Variants in CCDC141 observed in about 807,000 individuals in gnomAD.
CCDC141 encodes coiled-coil domain containing 141, also known as coiled-coil domain-containing protein 141.
In CCDC141, 168 loss-of-function variants were observed where a neutral mutation model predicts 181.0. The ratio of observed to expected loss-of-function variants is 0.93; its 90% CI spans 0.82 to 1.05. CCDC141 has a LOEUF of 1.05. Among genes scored for constraint, CCDC141 ranks in the 50% least tolerant of loss-of-function variants. The probability of loss-of-function intolerance (pLI) is 0.00; values close to 1 mark genes in which losing one functional copy is unlikely to be tolerated. For missense variants in CCDC141, 1,902 were observed against 1,788.5 expected (o/e 1.06, Z -1.14); for synonymous variants, 666 against 642.3 (o/e 1.04, Z -0.56).
intron 2 of CCDC141, among the ~76,000 whole-genome samples, chr2:178,999,308 C>T (rs1481093035): frequency 6.6e-6 from 1 of 152,112 alleles, no homozygotes; most frequent in Non-Finnish European, 1.5e-5. Flanking sequence ...TAATCAGTCA[C>T]CAAGGCCCAC....
chr2:178,986,021 G>A (rs1691714788), intron 2 of CCDC141, among the ~76,000 whole-genome samples: 1 of 152,116 alleles, frequency 6.6e-6, no homozygotes, highest in East Asian at 1.9e-4. Flanking sequence ...CCAAAAAAGA[G>A]AATTTTAGAC....
Position 178,978,630 on chromosome 2 carries a change from T to C in CCDC141, c.271A>G (p.Thr91Ala). The C allele has an allele frequency of 6.5e-7, 1 of 1,547,752 alleles. No homozygotes were observed. The highest frequency in any genetic ancestry group is 8.7e-7 in the Non-Finnish European group (1 of 1,145,724). Residue 91 changes from threonine (T) to alanine (A), a missense_variant, in exon 3 of 24, where the codon ACA (threonine) becomes GCA (alanine). Physicochemically the swap from Thr to Ala is moderately conservative, Grantham distance 58. Coordinates refer to ENST00000443758, the MANE Select transcript of CCDC141 (RefSeq NM_173648.4). ...VWELLQEADK[T>A]AEENKDQSQV... The stretch of plus-strand genomic sequence containing the variant: ...CTCTGATCCTTGTTCTCTTCAGCTG[T>C]CTTGTCTGCTTCCTGCAAGAGTTCC...
At position 178,987,120 on chromosome 2, in the gene CCDC141, A is replaced by T. The variant is rs1009574576; in HGVS notation, c.226-8445T>A. On this transcript the variant is annotated intron_variant, in intron 2 of 23. Transcript: ENST00000443758. ...GCATGGTACTGGTACCAAAACAGAG[A>T]TATAGATCAATGGAACAGAACACAG... Among the ~76,000 whole-genome samples the T allele has an allele frequency of 4.0e-5, 5 of 125,656 alleles. No homozygotes were observed. The Admixed American group carries it at 4.6e-4, about 12-fold the overall frequency. 82.4% of individuals were successfully genotyped at this position (125,656 alleles called of 152,430 possible).
In CCDC141 at chr2:178,834,730, G is replaced by T. The variant is rs545587347; in HGVS notation, c.4326-290C>A. On this transcript the variant is annotated intron_variant, in intron 23 of 23. Transcript: ENST00000443758. ...GGACTACAGGCGCTTACCACCATGT[G>T]CAGGCTAAGTTTTTTATTTTTTATT... is the stretch of plus-strand genomic sequence containing the variant. Among the ~76,000 whole-genome samples, 4 of 151,782 alleles carry T rather than the reference G, an allele frequency of 2.6e-5. No homozygotes were observed. The South Asian group carries it at 8.3e-4, about 32-fold the overall frequency.
intron 5 of CCDC141, among the ~76,000 whole-genome samples, chr2:178,947,995 T>C (rs954233403): frequency 7.9e-5 from 12 of 151,988 alleles, no homozygotes; most frequent in Middle Eastern, 3.2e-3. Flanking sequence ...ACCTCAAGAG[T>C]TTGAGACCAG....
chr2:178,886,587 A>G (rs1217948773), intron 10 of CCDC141, among the ~76,000 whole-genome samples, 165 bp downstream of exon 10: 2 of 152,220 alleles, frequency 1.3e-5, no homozygotes, highest in Non-Finnish European at 2.9e-5. Context: ...ACATATAAAT[A>G]TAATTTAGAC....
intron 6 of CCDC141, among the ~76,000 whole-genome samples, chr2:178,939,727 G>A (rs376573111): frequency 8.5e-5 from 13 of 152,130 alleles, no homozygotes; most frequent in East Asian, 3.9e-4. Flanking sequence ...CTGGGAGGTC[G>A]TCCAAGGGGT....
At chr2:179,049,606 T>C (rs1056555130) in intron 1 of CCDC141, among the ~76,000 whole-genome samples, 1 of 150,580 alleles carries the variant, frequency 6.6e-6, no homozygotes, top group Non-Finnish European at 1.5e-5. Context: ...TTTTTTTTTT[T>C]AAATCAAGCT....
chr2:178,984,083 C>A (rs995415911), intron 2 of CCDC141, among the ~76,000 whole-genome samples: 26 of 152,256 alleles, frequency 1.7e-4, no homozygotes, highest in African/African-American at 6.3e-4. Context: ...GGGTTACCCT[C>A]AAAGGGAAGC....
chr2:178,950,866 T>C (rs79695715), intron 5 of CCDC141, among the ~76,000 whole-genome samples: 1,525 of 152,330 alleles, frequency 0.01, 27 homozygotes, highest in African/African-American at 0.035. Context: ...ATAATAATTT[T>C]ATGTATTTAA....
chr2:178,944,779 A>C, intron 5 of CCDC141, 128 bp from the exon 6 acceptor site: 47 of 430,332 alleles, frequency 1.1e-4, no homozygotes, highest in East Asian at 1.7e-4. Flanking sequence ...AAACCATCTC[A>C]TGTATTAAAA....
intron 5 of CCDC141, among the ~76,000 whole-genome samples, chr2:178,953,534 G>A (rs1285891745): frequency 6.6e-6 from 1 of 152,032 alleles, no homozygotes; most frequent in Non-Finnish European, 1.5e-5. Flanking sequence ...GAATATGAAA[G>A]ATACACTCAA....
chr2:178,847,051 G>A (rs950962974), intron 21 of CCDC141, among the ~76,000 whole-genome samples: 5 of 152,162 alleles, frequency 3.3e-5, no homozygotes, highest in East Asian at 1.9e-4. Flanking sequence ...TTTGGGAAGC[G>A]TTTGTTGCGG....
chr2:178,932,352 A>G (rs1289835443), intron 6 of CCDC141, among the ~76,000 whole-genome samples: 1 of 152,200 alleles, frequency 6.6e-6, no homozygotes, highest in Non-Finnish European at 1.5e-5. Context: ...AGAGATGCTC[A>G]AATTTAACTC....
chr2:178,890,906 A>C (rs1460783197), intron 8 of CCDC141, among the ~76,000 whole-genome samples: 1 of 152,212 alleles, frequency 6.6e-6, no homozygotes, highest in Admixed American at 6.6e-5. Context: ...TAAGTGCATT[A>C]GATGCATTAT....
At chr2:178,846,218 A>G (rs1364330471) in intron 21 of CCDC141, among the ~76,000 whole-genome samples, 4 of 152,194 alleles carry the variant, frequency 2.6e-5, no homozygotes, top group African/African-American at 7.2e-5. Flanking sequence ...TATAGTAAAG[A>G]AAAACAGCAA....
At chr2:178,980,185 G>A (rs1200239228) in intron 2 of CCDC141, among the ~76,000 whole-genome samples, 1 of 152,128 alleles carries the variant, frequency 6.6e-6, no homozygotes, top group Non-Finnish European at 1.5e-5. Flanking sequence ...GACCATTCCT[G>A]TAGAGAAACA....
At chr2:178,914,677 A>C (rs1322110722) in intron 7 of CCDC141, among the ~76,000 whole-genome samples, 2 of 152,224 alleles carry the variant, frequency 1.3e-5, no homozygotes, top group East Asian at 3.8e-4. Context: ...AAATTTTGTA[A>C]GTTTTGTTCT....
chr2:179,011,807 C>T (rs569333545), intron 2 of CCDC141, among the ~76,000 whole-genome samples: 4 of 152,184 alleles, frequency 2.6e-5, no homozygotes, highest in East Asian at 1.9e-4. Flanking sequence ...AACTGGAAAT[C>T]GACTCCAAAA....
Sources: allele counts gnomAD v4.1 joint callset (sites outside exome capture counted in the v4.1 genomes callset), GRCh38; gene constraint gnomAD v4.1.1; transcripts MANE v1.5; gene names NCBI Gene and HGNC (gene_info 2026-07-23, HGNC 2026-07-21).